HYCC1: variants seen among roughly 807,000 people sequenced by gnomAD.
HYCC1 encodes hyccin PI4KA lipid kinase complex subunit 1, also known as hyccin.
the HYCC1 span, among the ~76,000 whole-genome samples, chr7:22,926,421 T>C: frequency 0.24 from 37,006 of 151,900 alleles, 4,672 homozygotes; most frequent in East Asian, 0.45. Flanking sequence ...CATCAGTGTG[T>C]TGTATTCAGG....
chr7:22,902,152 G>C, the HYCC1 span, among the ~76,000 whole-genome samples: 1 of 151,848 alleles, frequency 6.6e-6, no homozygotes, highest in African/African-American at 2.4e-5. Flanking sequence ...TCAAATATTT[G>C]GAAATTAAAT....
chr7:22,994,766 C>A, the HYCC1 span, among the ~76,000 whole-genome samples: 1 of 152,126 alleles, frequency 6.6e-6, no homozygotes, highest in Non-Finnish European at 1.5e-5. Context: ...CACAGTCTCA[C>A]CACCACTGTC....
At chr7:22,934,082 A>G in the HYCC1 span, 3 of 151,808 alleles carry the variant, frequency 2.0e-5, no homozygotes, top group Non-Finnish European at 4.4e-5. Context: ...AGATCCTGGG[A>G]TATGTACTAG....
chr7:22,935,941 G>C, the HYCC1 span: 1 of 149,572 alleles, frequency 6.7e-6, no homozygotes, highest in East Asian at 1.9e-4. Flanking sequence ...AAGCCACTGC[G>C]CCTGGCCTAG....
chr7:22,953,773 C>G, the HYCC1 span, among the ~76,000 whole-genome samples: 1 of 151,654 alleles, frequency 6.6e-6, no homozygotes, highest in South Asian at 2.1e-4. Flanking sequence ...TTATTTTTGT[C>G]CAAATGTTTT....
the HYCC1 span, among the ~76,000 whole-genome samples, chr7:22,990,868 C>G: frequency 6.6e-6 from 1 of 152,088 alleles, no homozygotes; most frequent in African/African-American, 2.4e-5. Context: ...CTTTGAACCA[C>G]TTGGGGGAAA....
the HYCC1 span, among the ~76,000 whole-genome samples, chr7:22,972,215 T>C: frequency 1.3e-5 from 2 of 152,238 alleles, no homozygotes; most frequent in East Asian, 3.9e-4. Flanking sequence ...GCTTTATATT[T>C]ATATAAATTT....
At chr7:22,983,071 G>A in the HYCC1 span, among the ~76,000 whole-genome samples, 2 of 152,094 alleles carry the variant, frequency 1.3e-5, no homozygotes, top group African/African-American at 4.8e-5. Context: ...CCTCATGCTT[G>A]TAATCCCAGC....
chr7:22,976,567 T>G, the HYCC1 span: 1 of 728,480 alleles, frequency 1.4e-6, no homozygotes, highest in East Asian at 2.7e-5. Flanking sequence ...TTCTCTTGTA[T>G]AAAATGACTC....
the HYCC1 span, among the ~76,000 whole-genome samples, chr7:23,013,607 C>T: frequency 1.5e-4 from 23 of 152,130 alleles, no homozygotes; most frequent in Non-Finnish European, 2.6e-4. Context: ...GACTGCTCCT[C>T]GCCGGGAAGG....
At chr7:22,961,173 T>C in the HYCC1 span, 18 of 995,238 alleles carry the variant, frequency 1.8e-5, no homozygotes, top group Admixed American at 1.7e-4. Flanking sequence ...GGCTCTCAAT[T>C]TATAGTTCTA....
chr7:22,916,217 G>T, the HYCC1 span, among the ~76,000 whole-genome samples: 1 of 151,980 alleles, frequency 6.6e-6, no homozygotes, highest in Non-Finnish European at 1.5e-5. Context: ...CCAAAAACCG[G>T]ACAAGTCTTA....
the HYCC1 span, among the ~76,000 whole-genome samples, chr7:22,981,102 T>G: frequency 7.2e-5 from 11 of 152,226 alleles, no homozygotes; most frequent in Non-Finnish European, 1.3e-4. Flanking sequence ...ATTTTATTTA[T>G]CCTTATAGCT....
the HYCC1 span, chr7:22,990,995 TG>T: frequency 9.3e-7 from 1 of 1,072,248 alleles, no homozygotes; most frequent in South Asian, 1.3e-5. Flanking sequence ...CAAAAATCAC[TG>T]GAATTTAAAC....
chr7:22,979,064 C>T, the HYCC1 span, among the ~76,000 whole-genome samples: 1 of 152,204 alleles, frequency 6.6e-6, no homozygotes. Context: ...GTACTGTTCA[C>T]AAGGTACTGA....
At chr7:23,011,567 C>G in the HYCC1 span, among the ~76,000 whole-genome samples, 1 of 152,132 alleles carries the variant, frequency 6.6e-6, no homozygotes, top group Non-Finnish European at 1.5e-5. Context: ...TAAATGGCTT[C>G]TCATCTATCA....
At chr7:22,916,845 C>T in the HYCC1 span, among the ~76,000 whole-genome samples, 2 of 152,294 alleles carry the variant, frequency 1.3e-5, no homozygotes, top group South Asian at 4.1e-4. Context: ...TGCCTTAACT[C>T]GGGCCCTCAC....
chr7:22,951,774 T>C, the HYCC1 span, among the ~76,000 whole-genome samples: 1 of 151,878 alleles, frequency 6.6e-6, no homozygotes, highest in African/African-American at 2.4e-5. Context: ...CATGTAGCCA[T>C]TAAAATAACT....
the HYCC1 span, among the ~76,000 whole-genome samples, chr7:22,984,636 G>T: frequency 1.3e-5 from 2 of 152,258 alleles, no homozygotes; most frequent in South Asian, 4.2e-4. Flanking sequence ...GTGGGAAGAT[G>T]GCTTGAGCCT....
Sources: gnomAD v4.1 joint callset for allele counts (sites outside exome capture counted in the v4.1 genomes callset) on GRCh38, gnomAD v4.1.1 for gene constraint, MANE v1.5 for transcripts, NCBI Gene and HGNC (gene_info 2026-07-23, HGNC 2026-07-21) for gene names.